CCDC171: variants seen among roughly 807,000 people sequenced by gnomAD.
CCDC171 encodes the protein coiled-coil domain containing 171.
CCDC171 carries 177 observed loss-of-function variants against 168.2 expected under a neutral mutation model. That is an observed-to-expected ratio of 1.05 (90% CI 0.93 to 1.19). The LOEUF (loss-of-function observed/expected upper bound fraction) is 1.19. Ranked by LOEUF, CCDC171 falls within the 50% of genes most tolerant of loss-of-function variation. The probability of loss-of-function intolerance (pLI) is 0.00; values close to 1 mark genes in which losing one functional copy is unlikely to be tolerated. For missense variants in CCDC171, 1,991 were observed against 1,539.0 expected (o/e 1.29, Z -4.91); for synonymous variants, 687 against 540.8 (o/e 1.27, Z -3.75).
chr9:15,582,251 T>G (rs929191845), intron 4 of CCDC171, among the ~76,000 whole-genome samples: 2 of 152,198 alleles, frequency 1.3e-5, no homozygotes, highest in Non-Finnish European at 2.9e-5. Context: ...CCAGTTAGAA[T>G]GGGGTTCATT....
chr9:15,711,308 A>C (rs1027305289), intron 11 of CCDC171, among the ~76,000 whole-genome samples: 1 of 152,162 alleles, frequency 6.6e-6, no homozygotes, highest in African/African-American at 2.4e-5. Context: ...TTAAAAATTC[A>C]CTTTAAATTC....
chr9:16,023,539 C>G lies in CCDC171; in HGVS notation n.998+631C>G, dbSNP rs117287020. Among the ~76,000 whole-genome samples, 96 of 152,254 alleles carry G rather than the reference C, an allele frequency of 6.3e-4. No homozygotes were observed. In the East Asian group the frequency reaches 0.017, roughly 27 times the overall value. ...GAGGCAGCACCACCTCTTGCCCTGT[C>G]CAGAGGAATAACTTAGGTTGGAGAT... On this transcript the variant is annotated intron_variant and non_coding_transcript_variant, in intron 6 of 9. Coordinates refer to the CCDC171 transcript ENST00000486641.
At chr9:15,650,005 T>A (rs978327217) in intron 7 of CCDC171, among the ~76,000 whole-genome samples, 3 of 151,988 alleles carry the variant, frequency 2.0e-5, no homozygotes, top group Non-Finnish European at 2.9e-5. Flanking sequence ...AACCCAAATG[T>A]CCAACCATGA....
intron 3 of CCDC171, among the ~76,000 whole-genome samples, chr9:16,002,503 G>T (rs942366832): frequency 6.6e-6 from 1 of 152,072 alleles, no homozygotes; most frequent in African/African-American, 2.4e-5. Context: ...CGTTGTGTTC[G>T]TGTTTTATGC....
Position 15,777,630 on chromosome 9 carries a change from T to A in CCDC171, c.2702T>A (p.Leu901His), listed in dbSNP as rs759356920. Residue 901 changes from leucine to histidine, a missense_variant, in exon 19 of 26, where the codon CTC becomes CAC. Leu to His is a moderately conservative substitution (Grantham distance 99, BLOSUM62 -3). Coordinates refer to ENST00000380701, the MANE Select transcript of CCDC171 (RefSeq NM_173550.4). ...DPNSRICGHL[L>H]IGAAKNSFAK... ...AATTCCAGAATTTGTGGACATTTAC[T>A]CATAGGTGCAGCCAAGAATTCTTTT... 1.9e-6 allele frequency: 3 copies of A among 1,611,100 alleles called. No individual in the cohort carries two copies. The highest frequency in any genetic ancestry group is 4.5e-5 in the East Asian group (2 of 44,872).
intron 3 of CCDC171, among the ~76,000 whole-genome samples, chr9:15,996,796 T>G (rs1832387563): frequency 6.6e-6 from 1 of 152,160 alleles, no homozygotes; most frequent in Admixed American, 6.5e-5. Context: ...CTACAGTGTA[T>G]TATTTTTATA....
chr9:15,756,724 G>T (rs370869448), intron 18 of CCDC171, among the ~76,000 whole-genome samples: 2 of 152,366 alleles, frequency 1.3e-5, no homozygotes, highest in South Asian at 4.1e-4. Flanking sequence ...ATCCTGAACT[G>T]TACTCCCATA....
chr9:16,054,820 G>A (rs1833808984), intron 1 of CCDC171, among the ~76,000 whole-genome samples: 1 of 152,136 alleles, frequency 6.6e-6, no homozygotes. Context: ...GAGCATTTAG[G>A]ACACTAGTCC....
intron 8 of CCDC171, among the ~76,000 whole-genome samples, chr9:15,660,382 T>G (rs1164107318): frequency 6.6e-6 from 1 of 152,216 alleles, no homozygotes; most frequent in Non-Finnish European, 1.5e-5. Flanking sequence ...GTATATTGCC[T>G]GATGCTGAGG....
intron 13 of CCDC171, among the ~76,000 whole-genome samples, chr9:15,724,391 G>A (rs2053669311): frequency 6.6e-6 from 1 of 152,102 alleles, no homozygotes; most frequent in Non-Finnish European, 1.5e-5. Flanking sequence ...TTCTATAAGT[G>A]GTTGGGATGT....
At chr9:15,591,864 T>C (rs1354600546) in intron 5 of CCDC171, among the ~76,000 whole-genome samples, 3 of 152,166 alleles carry the variant, frequency 2.0e-5, no homozygotes, top group Non-Finnish European at 4.4e-5. Flanking sequence ...ATATGAACAT[T>C]TGGAATTTTA....
At chr9:15,874,440 C>G in intron 23 of CCDC171, 92 bp from the exon 24 acceptor site, 1 of 1,060,754 alleles carries the variant, frequency 9.4e-7, no homozygotes, top group Non-Finnish European at 1.3e-6. Flanking sequence ...GCGATCAATG[C>G]AAGTCCACTC....
intron 3 of CCDC171, among the ~76,000 whole-genome samples, chr9:15,994,118 C>G (rs1832293784): frequency 6.6e-6 from 1 of 152,008 alleles, no homozygotes. Context: ...AAAACATGCT[C>G]TATAAAGACA....
At chr9:15,792,482 G>A (rs1487154085) in intron 21 of CCDC171, among the ~76,000 whole-genome samples, 1 of 152,110 alleles carries the variant, frequency 6.6e-6, no homozygotes, top group Non-Finnish European at 1.5e-5. Context: ...ACGCCACAAA[G>A]ATACTCCTTG....
At chr9:15,849,849 T>A (rs2061052337) in intron 23 of CCDC171, among the ~76,000 whole-genome samples, 1 of 151,852 alleles carries the variant, frequency 6.6e-6, no homozygotes, top group Non-Finnish European at 1.5e-5. Flanking sequence ...ATTAGCAAAC[T>A]AATAGTTAAT....
chr9:15,813,427 TATC>T, intron 21 of CCDC171, among the ~76,000 whole-genome samples: 1 of 152,276 alleles, frequency 6.6e-6, no homozygotes, highest in African/African-American at 2.4e-5. Context: ...CTCTGGACAT[TATC>T]ATGTTTGAGC....
intron 21 of CCDC171, among the ~76,000 whole-genome samples, chr9:15,814,204 C>G (rs776554310): frequency 1.3e-5 from 2 of 152,184 alleles, no homozygotes; most frequent in Admixed American, 6.5e-5. Flanking sequence ...TAGTACCAGC[C>G]TCGGGCTGGG....
chr9:16,071,439 C>T, the CCDC171 span, among the ~76,000 whole-genome samples: 88 of 152,312 alleles, frequency 5.8e-4, no homozygotes, highest in African/African-American at 2.0e-3. Flanking sequence ...TCTCTCCTTG[C>T]TCCCTCAGAC....
At chr9:15,820,358 A>G (rs1358065617) in intron 21 of CCDC171, among the ~76,000 whole-genome samples, 1 of 115,952 alleles carries the variant, frequency 8.6e-6, no homozygotes, top group Non-Finnish European at 1.9e-5. Flanking sequence ...AACTGAAGGA[A>G]ATAGAGGCAC....
Sources: gnomAD v4.1 joint callset for allele counts (sites outside exome capture counted in the v4.1 genomes callset) on GRCh38, gnomAD v4.1.1 for gene constraint, MANE v1.5 for transcripts, NCBI Gene and HGNC (gene_info 2026-07-23, HGNC 2026-07-21) for gene names.